GALNS: variants seen among roughly 807,000 people sequenced by gnomAD.
GALNS encodes the protein galactosamine (N-acetyl)-6-sulfatase.
In GALNS, 65 loss-of-function variants were observed where a neutral mutation model predicts 65.9. That is an observed-to-expected ratio of 0.99 (90% CI 0.81 to 1.21). The LOEUF is 1.21. Among genes scored for constraint, GALNS ranks in the 50% most tolerant of loss-of-function variants. The pLI, the probability that GALNS is intolerant of heterozygous loss-of-function variation, is 0.00. For missense variants in GALNS, 776 were observed against 700.7 expected (o/e 1.11, Z -1.21); for synonymous variants, 346 against 288.9 (o/e 1.20, Z -2.00).
At chr16:88,822,736 TC>T in intron 11 of GALNS, 26 bp from the exon 12 acceptor site, 5 of 1,608,662 alleles carry the variant, frequency 3.1e-6, no homozygotes, top group Non-Finnish European at 4.2e-6. Context: ...GGAAGGTGTG[TC>T]CTGGAGCCCC....
intron 10 of GALNS, among the ~76,000 whole-genome samples, 182 bp from the exon 11 acceptor site, chr16:88,825,051 C>T (rs61169826): frequency 0.011 from 1,322 of 117,084 alleles, 38 homozygotes; most frequent in African/African-American, 0.051. Flanking sequence ...GGTGCCTGGG[C>T]GGCCGGGGCT....
At position 88,855,320 on chromosome 16, in the gene GALNS, CAGA is replaced by C. The variant is rs1055591654; in HGVS notation, c.120+1435_120+1437del. 22 of 700,420 alleles carry C rather than the reference CAGA, an allele frequency of 3.1e-5. No individual in the cohort carries two copies. The Admixed American group carries it at 3.2e-4, about 10-fold the overall frequency. The allele number at this position is 700,420 out of a possible 1,614,324, so 43.4% of individuals were successfully genotyped here. Reference sequence around the variant, plus strand: ...CTCATCCAGCGAAGCTATGCTGGCCCAGAAGGAGTTACACAATGAAAAGAAGAA... The same window carrying C: ...CTCATCCAGCGAAGCTATGCTGGCCCAGGAGTTACACAATGAAAAGAAGAA... On this transcript the variant is annotated intron_variant, in intron 1 of 13. Transcript: ENST00000268695.
intron 11 of GALNS, among the ~76,000 whole-genome samples, chr16:88,823,045 G>A (rs1202361028): frequency 3.3e-5 from 5 of 152,164 alleles, no homozygotes; most frequent in African/African-American, 9.7e-5. Context: ...TCTTCTTTGC[G>A]AGGCAGGTGA....
At chr16:88,849,301 T>C (rs565832699) in intron 1 of GALNS, among the ~76,000 whole-genome samples, 6 of 152,130 alleles carry the variant, frequency 3.9e-5, no homozygotes, top group South Asian at 4.2e-4. Context: ...TCATTATTTT[T>C]TGAGATGGAG....
At position 88,832,090 on chromosome 16, in the gene GALNS, C is replaced by T. The variant is rs764070268; in HGVS notation, c.910G>A (p.Gly304Ser). The T allele has an allele frequency of 1.3e-5, 21 of 1,613,648 alleles. No homozygotes were observed. Among genetic ancestry groups the T allele is most frequent in the Middle Eastern group, 1.6e-4 (1 of 6,070 alleles). The change falls in exon 9 of 14, where the codon GGC (glycine) becomes AGC (serine). Residue 304 changes from glycine (G) to serine (S), a missense_variant. Transcript: ENST00000268695. ...ISAPEQGGSN[G>S]PFLCGKQTTF... ...GTCTGCTTCCCACACAGAAAGGGGCCGTTGCTGCCACCTGGGAGAGAGGGG... is the reference window on the plus strand; with the variant it reads ...GTCTGCTTCCCACACAGAAAGGGGCTGTTGCTGCCACCTGGGAGAGAGGGG...
At chr16:88,818,672 C>T (rs3826067) in intron 12 of GALNS, among the ~76,000 whole-genome samples, 46,621 of 152,162 alleles carry the variant, frequency 0.31, 7,486 homozygotes, top group East Asian at 0.58. Context: ...TTCGCGATGT[C>T]AGGGCCGCAG....
chr16:88,840,947 G>A (rs768043871), intron 4 of GALNS, 45 bp downstream of exon 4: 3 of 1,467,300 alleles, frequency 2.0e-6, no homozygotes, highest in South Asian at 2.3e-5. Context: ...AGGCCAGGAA[G>A]TGGATGGAGC....
chr16:88,842,591 G>A, intron 2 of GALNS, 115 bp downstream of exon 2: 4 of 1,308,176 alleles, frequency 3.1e-6, no homozygotes, highest in Non-Finnish European at 2.1e-6. Context: ...CCTCCCTGCA[G>A]TAGTAGGAAT....
chr16:88,827,759 G>A (rs996461212), intron 9 of GALNS, among the ~76,000 whole-genome samples: 1 of 152,238 alleles, frequency 6.6e-6, no homozygotes, highest in African/African-American at 2.4e-5. Flanking sequence ...TTCTTAACTC[G>A]GGGGCTCCAG....
intron 12 of GALNS, among the ~76,000 whole-genome samples, chr16:88,818,538 CA>C (rs150045348): frequency 6.6e-6 from 1 of 152,170 alleles, no homozygotes. Flanking sequence ...ATCCCATTGC[CA>C]AAAAGCAGGA....
chr16:88,818,274 C>T (rs1290883213), intron 12 of GALNS, 150 bp from the exon 13 acceptor site: 4 of 715,510 alleles, frequency 5.6e-6, no homozygotes, highest in Non-Finnish European at 9.9e-6. Flanking sequence ...CTGCAGCGGC[C>T]CCGGGCCTCG....
At position 88,847,098 on chromosome 16, in the gene GALNS, C is replaced by G. The variant is rs1481726646; in HGVS notation, c.121-4269G>C. ...CAGGAGGAACGCAAACAGCTCCACC[C>G]GCAGCTCTTAAGCACACTGGAGACC... On this transcript the variant is annotated intron_variant, in intron 1 of 13. Coordinates refer to ENST00000268695, the MANE Select transcript of GALNS (RefSeq NM_000512.5). Among the ~76,000 whole-genome samples the G allele has an allele frequency of 3.9e-5, 6 of 152,296 alleles. No individual in the cohort carries two copies. In the East Asian group the frequency reaches 7.7e-4, roughly 20 times the overall value.
chr16:88,825,593 C>T (rs1394645352), intron 10 of GALNS, among the ~76,000 whole-genome samples: 6 of 134,120 alleles, frequency 4.5e-5, no homozygotes, highest in Non-Finnish European at 8.2e-5. Context: ...GGCTGGGGTG[C>T]CTGGGTGTCT....
intron 1 of GALNS, 184 bp downstream of exon 1, chr16:88,856,574 C>T (rs1366077133): frequency 2.4e-5 from 14 of 577,676 alleles, no homozygotes; most frequent in Middle Eastern, 4.4e-4. Flanking sequence ...CCTCCCCGCA[C>T]GGGGATACCC....
At chr16:88,855,900 G>C (rs536477549) in intron 1 of GALNS, 3 of 524,868 alleles carry the variant, frequency 5.7e-6, no homozygotes, top group Non-Finnish European at 1.0e-5. Context: ...TCTGGTACTC[G>C]GTGTCGTCCC....
At chr16:88,815,603 TTC>T (rs1597517972) in intron 13 of GALNS, 3 of 985,474 alleles carry the variant, frequency 3.0e-6, no homozygotes, top group South Asian at 9.4e-5. Flanking sequence ...TGCAGTTTGG[TTC>T]TGTGTCCCCA....
intron 8 of GALNS, among the ~76,000 whole-genome samples, chr16:88,832,907 C>T (rs868055016): frequency 3.3e-5 from 5 of 151,978 alleles, no homozygotes; most frequent in Middle Eastern, 3.4e-3. Flanking sequence ...CGGCTAAACC[C>T]CATCTCTACA....
chr16:88,817,971 G>A (rs746005031), intron 13 of GALNS, 36 bp downstream of exon 13: 22 of 1,521,988 alleles, frequency 1.4e-5, no homozygotes, highest in African/African-American at 6.9e-5. Flanking sequence ...CTGCAGCCCC[G>A]GCAAAGAGAC....
At position 88,835,862 on chromosome 16, in the gene GALNS, C is replaced by T. The variant is rs372009899; in HGVS notation, c.634-13G>A. The stretch of plus-strand genomic sequence containing the variant: ...AGTCCAGGGCTTCCTATGGAGAGAG[C>T]CACACCGTCGTCCTCCAGCCTCAGG... On this transcript the variant is annotated splice_polypyrimidine_tract_variant and intron_variant, in intron 6 of 13. Coordinates refer to ENST00000268695, the MANE Select transcript of GALNS (RefSeq NM_000512.5). The T allele has an allele frequency of 5.1e-5, 82 of 1,613,638 alleles. No homozygotes were observed. In the African/African-American group the frequency reaches 1.0e-3, roughly 20 times the overall value.
Sources: gnomAD v4.1 joint callset for allele counts (sites outside exome capture counted in the v4.1 genomes callset) on GRCh38, gnomAD v4.1.1 for gene constraint, MANE v1.5 for transcripts, NCBI Gene and HGNC (gene_info 2026-07-23, HGNC 2026-07-21) for gene names.